FN1: variants seen among roughly 807,000 people sequenced by gnomAD.
The protein encoded by FN1 is fibronectin.
A neutral mutation model predicts 297.3 loss-of-function variants in FN1; 106 were observed. That is an observed-to-expected ratio of 0.36 (90% CI 0.30 to 0.42). The LOEUF (loss-of-function observed/expected upper bound fraction) is 0.42, where lower values mean the gene tolerates loss of function less well. FN1 is among the 10% of genes least tolerant of loss of function. The pLI, the probability that FN1 is intolerant of heterozygous loss-of-function variation, is 1.00. For missense variants in FN1, 2,690 were observed against 3,124.9 expected, an observed-to-expected ratio of 0.86 and a Z score of 3.32; for synonymous variants, 1,149 against 1,152.6, an observed-to-expected ratio of 1.00 and a Z score of 0.06.
intron 34 of FN1, 97 bp downstream of exon 34, chr2:215,379,033 C>G (rs2105913514): frequency 9.2e-7 from 1 of 1,083,288 alleles, no homozygotes; most frequent in East Asian, 2.4e-5. Context: ...AGGAAAAGAA[C>G]AGTTAGATTT....
chr2:215,372,842 A>C lies in FN1; in HGVS notation c.6248-467T>G, dbSNP rs1422144689. Among the ~76,000 whole-genome samples the C allele has an allele frequency of 5.9e-5, 9 of 152,210 alleles. No individual in the cohort carries two copies. The East Asian group carries it at 1.7e-3, about 29-fold the overall frequency. Reference sequence around the variant, plus strand: ...AATGGTAAAAATAGATAAAACACACATGTTCATTTTTGAAATTTTCCTATA... The same window carrying C: ...AATGGTAAAAATAGATAAAACACACCTGTTCATTTTTGAAATTTTCCTATA... On this transcript the variant is annotated intron_variant, in intron 39 of 45. Transcript: ENST00000354785.
intron 21 of FN1, 84 bp from the exon 22 acceptor site, chr2:215,397,932 A>G: frequency 8.3e-7 from 1 of 1,204,894 alleles, no homozygotes; most frequent in Non-Finnish European, 1.2e-6. Flanking sequence ...TTATGCTTTA[A>G]ATAGTGTAAA....
chr2:215,382,386 G>A, intron 31 of FN1, 61 bp from the exon 32 acceptor site: 1 of 1,068,400 alleles, frequency 9.4e-7, no homozygotes, highest in Non-Finnish European at 1.5e-6. Flanking sequence ...GTCCTCAAGT[G>A]GCGTCTAGAG....
intron 14 of FN1, 94 bp from the exon 15 acceptor site, chr2:215,409,833 C>A (rs2062332817): frequency 6.3e-7 from 1 of 1,589,852 alleles, no homozygotes; most frequent in African/African-American, 1.3e-5. Context: ...CGTTGGTGCC[C>A]CTCCTGGAAG....
chr2:215,382,284 C>G lies in FN1; in HGVS notation c.5092G>C (p.Glu1698Gln). ...TGAGCATAGACACTAACCACATACT[C>G]CACTGTGGGCTGCAAGCCTTCAATA... is the stretch of plus-strand genomic sequence containing the variant. ...MTIEGLQPTV[E>Q]YVVSVYAQNP... The change falls in exon 32 of 46, where the codon GAG becomes CAG. Residue 1698 changes from glutamate (E) to glutamine (Q), a missense_variant. Glu to Gln is a conservative substitution (Grantham distance 29, BLOSUM62 2). This residue lies in a region of FN1 where 1,743 missense variants were observed against 1,945.2 expected (regional missense o/e 0.90). Transcript: ENST00000354785. 1.2e-6 allele frequency: 2 copies of G among 1,613,770 alleles called. No individual in the cohort carries two copies. Among genetic ancestry groups the G allele is most frequent in the African/African-American group, 2.7e-5 (2 of 75,014 alleles).
chr2:215,399,916 G>A (rs754973404), intron 20 of FN1, among the ~76,000 whole-genome samples: 3 of 152,082 alleles, frequency 2.0e-5, no homozygotes, highest in South Asian at 2.1e-4. Flanking sequence ...GGCGGGGATC[G>A]GTGGCTCATG....
At chr2:215,404,360 T>C in intron 20 of FN1, 29 bp downstream of exon 20, 2 of 1,604,234 alleles carry the variant, frequency 1.2e-6, no homozygotes, top group Non-Finnish European at 1.7e-6. Flanking sequence ...TAAATATAGT[T>C]AAGAAAAGGC....
At chr2:215,396,978 G>C (rs373399614) in intron 23 of FN1, among the ~76,000 whole-genome samples, 159 bp downstream of exon 23, 2 of 152,162 alleles carry the variant, frequency 1.3e-5, no homozygotes, top group East Asian at 3.9e-4. Flanking sequence ...CATCCTGCAG[G>C]CTGCTCCATG....
chr2:215,366,655 C>T (rs1486763403), intron 42 of FN1, among the ~76,000 whole-genome samples: 1 of 152,060 alleles, frequency 6.6e-6, no homozygotes, highest in Non-Finnish European at 1.5e-5. Context: ...CTACTTTTTC[C>T]ATTTTATCAA....
At chr2:215,383,246 G>C (rs2058452169) in intron 31 of FN1, 82 bp downstream of exon 31, 15 of 1,376,600 alleles carry the variant, frequency 1.1e-5, no homozygotes, top group Non-Finnish European at 1.5e-5. Flanking sequence ...AACCTCAAGT[G>C]ATCTGCCCGC....
chr2:215,408,199 TAAGA>T lies in FN1; in HGVS notation c.2429-6_2429-3del, dbSNP rs765926115. 5.0e-6 allele frequency: 8 copies of T among 1,607,666 alleles called. No homozygotes were observed. Among genetic ancestry groups the T allele is most frequent in the Middle Eastern group, 1.7e-4 (1 of 6,052 alleles). On this transcript the variant is annotated splice_region_variant and splice_polypyrimidine_tract_variant and intron_variant, in intron 16 of 45. Coordinates refer to ENST00000354785, the MANE Select transcript of FN1 (RefSeq NM_212482.4). ...TCGTGTCAGGAGGGGCATCAGGCGC[TAAGA>T]AAGAAAGAAAGTGGGGCAAACAGTC...
intron 27 of FN1, among the ~76,000 whole-genome samples, chr2:215,387,924 G>T (rs915646553): frequency 1.6e-4 from 24 of 152,180 alleles, no homozygotes; most frequent in African/African-American, 4.1e-4. Flanking sequence ...GCTGCCTAAT[G>T]AAAAGGAATG....
chr2:215,397,967 T>C (rs1177771844), intron 21 of FN1, 119 bp from the exon 22 acceptor site: 2 of 882,944 alleles, frequency 2.3e-6, no homozygotes, highest in Non-Finnish European at 3.7e-6. Flanking sequence ...CACAGTGTAC[T>C]TTTATTGGGA....
chr2:215,423,272 G>A, intron 9 of FN1, 78 bp downstream of exon 9: 1 of 1,474,656 alleles, frequency 6.8e-7, no homozygotes, highest in South Asian at 1.2e-5. Context: ...TGAAATGGGA[G>A]TAAACTGGAC....
intron 9 of FN1, 139 bp from the exon 10 acceptor site, chr2:215,422,382 T>C (rs908980673): frequency 5.8e-6 from 5 of 860,068 alleles, no homozygotes; most frequent in South Asian, 2.7e-5. Context: ...CAAAGACATC[T>C]AAGTGCTGTC....
intron 15 of FN1, 77 bp from the exon 16 acceptor site, chr2:215,408,503 A>G: frequency 7.1e-7 from 1 of 1,399,746 alleles, no homozygotes; most frequent in Non-Finnish European, 1.0e-6. Flanking sequence ...TAAGAAGGAT[A>G]TTTTAAGAAT....
intron 20 of FN1, 99 bp from the exon 21 acceptor site, chr2:215,399,450 C>T: frequency 1.2e-6 from 1 of 813,746 alleles, no homozygotes; most frequent in Non-Finnish European, 2.2e-6. Flanking sequence ...CTCAGTTTAA[C>T]CAAGCAGTGG....
chr2:215,377,521 T>C (rs774415484), intron 35 of FN1, among the ~76,000 whole-genome samples: 128 of 152,234 alleles, frequency 8.4e-4, no homozygotes, highest in Middle Eastern at 3.4e-3. Context: ...GTGATGTGCC[T>C]GCTCCCCCTT....
intron 44 of FN1, chr2:215,364,585 C>G: frequency 2.0e-6 from 1 of 488,072 alleles, no homozygotes; most frequent in African/African-American, 1.9e-5. Context: ...ATGATTCTAA[C>G]ATCATATAAA....
Sources: gnomAD v4.1 joint callset for allele counts (sites outside exome capture counted in the v4.1 genomes callset) on GRCh38, gnomAD v4.1.1 for gene constraint, gnomAD v4.1.1 regional missense constraint, MANE v1.5 for transcripts, NCBI Gene and HGNC (gene_info 2026-07-23, HGNC 2026-07-21) for gene names.